Variants in ZNF777 observed in about 807,000 individuals in gnomAD.
The protein encoded by ZNF777 is zinc finger protein 777.
In ZNF777, 7 loss-of-function variants were observed where a neutral mutation model predicts 72.1. That is an observed-to-expected ratio of 0.10 (90% CI 0.06 to 0.18). ZNF777 has a LOEUF of 0.18. ZNF777 is among the 10% of genes least tolerant of loss of function. ZNF777 has a pLI of 1.00. For synonymous variants in ZNF777, 545 were observed against 483.5 expected, an observed-to-expected ratio of 1.13 and a Z score of -1.67; for missense variants, 828 against 1,128.6, an observed-to-expected ratio of 0.73 and a Z score of 3.82.
Position 149,458,507 on chromosome 7 carries a change from A to G in ZNF777, c.-16+2308T>C, listed in dbSNP as rs1389373616. On this transcript the variant is annotated intron_variant, in intron 1 of 5. Transcript: ENST00000247930. ...AGAGGTTTAACTGAAACAATGAAAC[A>G]AAACAAAACAAAACAAAACAAAACA... 2.4e-5 allele frequency among the ~76,000 whole-genome samples: 3 copies of G among 125,262 alleles called. No individual in the cohort carries two copies. The East Asian group carries it at 6.0e-4, about 25-fold the overall frequency. The allele number at this position is 125,262 out of a possible 152,430, so 82.2% of individuals were successfully genotyped here.
At chr7:149,451,617 G>A (rs1799718314) in intron 3 of ZNF777, among the ~76,000 whole-genome samples, 1 of 152,012 alleles carries the variant, frequency 6.6e-6, no homozygotes, top group African/African-American at 2.4e-5. Flanking sequence ...ACTTGAACCT[G>A]GGAGGCAGAG....
Position 149,431,632 on chromosome 7 carries a change from G to C in ZNF777, c.*144C>G. 1.2e-6 allele frequency: 1 copy of C among 847,376 alleles called. No individual in the cohort carries two copies. Among genetic ancestry groups the C allele is most frequent in the Non-Finnish European group, 1.6e-6 (1 of 610,762 alleles). The allele number at this position is 847,376 out of a possible 1,614,324, so 52.5% of individuals were successfully genotyped here. On this transcript the variant is annotated 3_prime_UTR_variant, in exon 6 of 6. Transcript: ENST00000247930. ...TGGTCTCACTGCCCCCATGTCCTTG[G>C]GAGGAGGGACGAGAGGAGAGGGGGA... is the stretch of plus-strand genomic sequence containing the variant.
intron 3 of ZNF777, among the ~76,000 whole-genome samples, 170 bp downstream of exon 3, chr7:149,453,941 G>A (rs1171949002): frequency 1.3e-5 from 2 of 152,242 alleles, no homozygotes; most frequent in Admixed American, 6.5e-5. Flanking sequence ...GGGCCGCACT[G>A]ATGTGTGTGG....
Position 149,455,430 on chromosome 7 carries a change from T to A in ZNF777, c.593A>T (p.Lys198Met), listed in dbSNP as rs752727255. The A allele has an allele frequency of 6.2e-7, 1 of 1,614,166 alleles. No homozygotes were observed. The highest frequency in any genetic ancestry group is 2.2e-5 in the East Asian group (1 of 44,880). Residue 198 changes from lysine to methionine, a missense_variant, in exon 2 of 6, where the codon AAG becomes ATG. Coordinates refer to ENST00000247930, the MANE Select transcript of ZNF777 (RefSeq NM_015694.3). The surrounding 1 kb of genome is among the most constrained non-coding windows in gnomAD (Gnocchi z 4.2). ...VWAAVQAVER[K>M]LEAQAMRLLT... is the part of the protein sequence containing the mutation. Reference sequence around the variant, plus strand: ...TAGCCTCATGGCCTGGGCCTCCAGCTTCCTCTCCACTGCTTGGACGGCAGC... The same window carrying A: ...TAGCCTCATGGCCTGGGCCTCCAGCATCCTCTCCACTGCTTGGACGGCAGC...
rs1799702666 is a variant in ZNF777 at position 149,451,006 on chromosome 7, G to A, written c.1080C>T (p.Pro360=). The A allele has an allele frequency of 5.0e-6, 8 of 1,613,394 alleles. No homozygotes were observed. Among genetic ancestry groups the A allele is most frequent in the African/African-American group, 1.3e-5 (1 of 74,918 alleles). ...TCACCCTTAGCCACTCACCAGCACT[G>A]GGATCTGTCGGCGTTTCGCCCTCCT... ...DSEEGETPTD[P]SAAHDGIVIK... is the part of the protein sequence containing the mutation. Residue 360 remains proline, a synonymous_variant, in exon 4 of 6, where the codon CCC becomes CCT. Coordinates refer to ENST00000247930, the MANE Select transcript of ZNF777 (RefSeq NM_015694.3).
intron 1 of ZNF777, among the ~76,000 whole-genome samples, chr7:149,457,238 G>GTGAGT (rs1799851303): frequency 6.6e-6 from 1 of 152,182 alleles, no homozygotes; most frequent in Non-Finnish European, 1.5e-5. Flanking sequence ...ACGATCTTCT[G>GTGAGT]TGAGTAACTA....
At chr7:149,442,021 G>C (rs954661542) in intron 4 of ZNF777, among the ~76,000 whole-genome samples, 1 of 151,440 alleles carries the variant, frequency 6.6e-6, no homozygotes, top group Non-Finnish European at 1.5e-5. Context: ...TTCGAGACCA[G>C]CCTGGCCATC....
chr7:149,456,874 G>C (rs1471967914), intron 1 of ZNF777, among the ~76,000 whole-genome samples: 1 of 152,146 alleles, frequency 6.6e-6, no homozygotes, highest in East Asian at 1.9e-4. Flanking sequence ...CGGGCTTCTG[G>C]GTATTCTGGC....
chr7:149,450,592 T>A (rs6945737), intron 4 of ZNF777, among the ~76,000 whole-genome samples: 7,849 of 152,304 alleles, frequency 0.052, 705 homozygotes, highest in African/African-American at 0.18. Context: ...GCATGTAGGA[T>A]GTTTCTGGTA....
chr7:149,441,662 G>A (rs6977219), intron 4 of ZNF777, among the ~76,000 whole-genome samples: 100,054 of 152,066 alleles, frequency 0.66, 34,176 homozygotes, highest in African/African-American at 0.85. Context: ...AACTCCTGTG[G>A]GGTGGGGGAA....
intron 1 of ZNF777, chr7:149,459,665 A>G (rs1799906012): frequency 1.0e-6 from 1 of 984,970 alleles, no homozygotes; most frequent in South Asian, 4.7e-5. Flanking sequence ...TTGCTACGTG[A>G]CCTTGGGGCC....
Position 149,445,686 on chromosome 7 carries a change from C to T in ZNF777, c.1087+5313G>A, listed in dbSNP as rs115720369. ...TTCCCGTTTTCAATATGGTGCCCCA[C>T]CCTCAACTGTGCCTGGTGCCCATGT... On this transcript the variant is annotated intron_variant, in intron 4 of 5. Coordinates refer to ENST00000247930, the MANE Select transcript of ZNF777 (RefSeq NM_015694.3). Among the ~76,000 whole-genome samples, 349 of 152,334 alleles carry T rather than the reference C, an allele frequency of 2.3e-3. 3 individuals are homozygous for T. Among genetic ancestry groups the T allele is most frequent in the African/African-American group, 8.0e-3 (332 of 41,566 alleles).
chr7:149,455,808 G>A lies in ZNF777; in HGVS notation c.215C>T (p.Pro72Leu), dbSNP rs774303712. Residue 72 changes from proline to leucine, a missense_variant, in exon 2 of 6, where the codon CCA (proline) becomes CTA (leucine). Pro to Leu is a moderately conservative substitution (Grantham distance 98). Transcript: ENST00000247930. The surrounding 1 kb of genome is among the most constrained non-coding windows in gnomAD (Gnocchi z 4.2). ...APKQETSGRM[P>L]HVLQKGPSLL... ...TGAGGGTCCCTTCTGGAGCACATGT[G>A]GCATCCGGCCAGAAGTCTCTTGCTT... 4.3e-5 allele frequency: 70 copies of A among 1,612,658 alleles called. No individual in the cohort carries two copies. The highest frequency in any genetic ancestry group is 5.4e-5 in the Non-Finnish European group (64 of 1,179,002).
chr7:149,453,778 T>C (rs1799770224), intron 3 of ZNF777, among the ~76,000 whole-genome samples: 1 of 152,206 alleles, frequency 6.6e-6, no homozygotes, highest in African/African-American at 2.4e-5. Flanking sequence ...TCCTTAATAA[T>C]AGTTTGCTGG....
intron 4 of ZNF777, among the ~76,000 whole-genome samples, chr7:149,441,642 T>C (rs1433291542): frequency 6.6e-6 from 1 of 152,342 alleles, no homozygotes; most frequent in East Asian, 1.9e-4. Flanking sequence ...TAATAATTCG[T>C]GTTCATAAGA....
intron 1 of ZNF777, among the ~76,000 whole-genome samples, chr7:149,456,923 G>A (rs1799845194): frequency 6.6e-6 from 1 of 152,196 alleles, no homozygotes; most frequent in Non-Finnish European, 1.5e-5. Context: ...ATCGAGGCAG[G>A]TGAAGGCAGG....
At chr7:149,437,845 T>C (rs1799445221) in intron 4 of ZNF777, among the ~76,000 whole-genome samples, 1 of 150,270 alleles carries the variant, frequency 6.7e-6, no homozygotes, top group African/African-American at 2.5e-5. Flanking sequence ...TCTTCTGTGT[T>C]CCTCTACTCA....
intron 4 of ZNF777, among the ~76,000 whole-genome samples, chr7:149,440,346 G>A (rs1320637621): frequency 1.3e-5 from 2 of 152,044 alleles, no homozygotes; most frequent in African/African-American, 4.8e-5. Flanking sequence ...ATGGAGATGG[G>A]CAGGAAGTGA....
At chr7:149,433,210 C>T (rs34283037) in intron 5 of ZNF777, among the ~76,000 whole-genome samples, 92,230 of 152,012 alleles carry the variant, frequency 0.61, 28,394 homozygotes, top group East Asian at 0.76. Flanking sequence ...TACAGAGGAC[C>T]GCAGGGGAAA....
Sources: gnomAD v4.1 joint callset for allele counts (sites outside exome capture counted in the v4.1 genomes callset) on GRCh38, gnomAD v4.1.1 for gene constraint, Gnocchi (gnomAD v3.1) non-coding constraint, MANE v1.5 for transcripts, NCBI Gene and HGNC (gene_info 2026-07-23, HGNC 2026-07-21) for gene names.